PAG1: variants seen among roughly 807,000 people sequenced by gnomAD.
PAG1 encodes phosphoprotein membrane anchor with glycosphingolipid microdomains 1, also known as phosphoprotein associated with glycosphingolipid-enriched microdomains 1.
PAG1 carries 23 observed loss-of-function variants against 31.7 expected under a neutral mutation model. That is an observed-to-expected ratio of 0.73 (90% CI 0.52 to 1.03). PAG1 has a LOEUF of 1.03. Ranked by LOEUF, PAG1 falls within the 50% of genes least tolerant of loss-of-function variation. The probability of loss-of-function intolerance (pLI) is 0.00; values close to 1 mark genes in which losing one functional copy is unlikely to be tolerated. For synonymous variants in PAG1, 214 were observed against 210.3 expected (o/e 1.02, Z -0.15); for missense variants, 473 against 540.7 (o/e 0.87, Z 1.24).
At chr8:80,980,695 T>C (rs183823040) in intron 7 of PAG1, among the ~76,000 whole-genome samples, 1 of 152,344 alleles carries the variant, frequency 6.6e-6, no homozygotes, top group African/African-American at 2.4e-5. Context: ...GTATTATCCT[T>C]AGAGAAATTT....
intron 3 of PAG1, among the ~76,000 whole-genome samples, chr8:80,994,382 G>C (rs574317193): frequency 6.6e-6 from 1 of 152,330 alleles, no homozygotes; most frequent in South Asian, 2.1e-4. Flanking sequence ...AATTGCAAGA[G>C]AAGCATAAGA....
At chr8:81,104,253 AT>A (rs1178116741) in intron 1 of PAG1, among the ~76,000 whole-genome samples, 1 of 152,176 alleles carries the variant, frequency 6.6e-6, no homozygotes, top group African/African-American at 2.4e-5. Context: ...CTCAGTTCCC[AT>A]TCAATCAAGC....
At chr8:81,008,479 A>C (rs897448130) in intron 3 of PAG1, among the ~76,000 whole-genome samples, 2 of 151,052 alleles carry the variant, frequency 1.3e-5, no homozygotes, top group Non-Finnish European at 2.9e-5. Context: ...GTATGACTAC[A>C]GTATAGTTCT....
At chr8:81,050,261 T>C (rs1487976650) in intron 2 of PAG1, among the ~76,000 whole-genome samples, 2 of 152,198 alleles carry the variant, frequency 1.3e-5, no homozygotes, top group African/African-American at 2.4e-5. Context: ...CAATGAAGCA[T>C]TTAATCCTCT....
intron 5 of PAG1, among the ~76,000 whole-genome samples, chr8:80,989,345 C>T (rs1807490429): frequency 6.6e-6 from 1 of 152,160 alleles, no homozygotes; most frequent in African/African-American, 2.4e-5. Context: ...CCCATAACAG[C>T]ATAATCGATC....
chr8:81,081,422 T>C (rs934407733), intron 1 of PAG1, among the ~76,000 whole-genome samples: 6 of 152,214 alleles, frequency 3.9e-5, no homozygotes, highest in African/African-American at 1.4e-4. Context: ...AGGGATCTCA[T>C]GTACCCACTG....
rs1347913362 is a variant in PAG1, at chr8:80,970,690, T to G, written c.*5854A>C. 1 of 152,878 alleles carries G rather than the reference T, an allele frequency of 6.5e-6. No homozygotes were observed. The allele number at this position is 152,878 out of a possible 1,614,324, so 9.5% of individuals were successfully genotyped here. On this transcript the variant is annotated 3_prime_UTR_variant, in exon 9 of 9. Transcript: ENST00000220597. ...AGTGCTTTTCCATGGCCCCTTAGTG[T>G]CAACCATTCTTACGAAAGATGTGAG...
intron 1 of PAG1, among the ~76,000 whole-genome samples, chr8:81,082,376 T>C (rs145159222): frequency 6.6e-6 from 1 of 151,988 alleles, no homozygotes; most frequent in East Asian, 1.9e-4. Flanking sequence ...GTTCTGGGAA[T>C]CAAGACATGA....
intron 1 of PAG1, among the ~76,000 whole-genome samples, chr8:81,081,101 A>C (rs539267855): frequency 5.9e-5 from 9 of 152,262 alleles, no homozygotes; most frequent in Admixed American, 4.6e-4. Flanking sequence ...CTTCTTTACA[A>C]TAATGCTGAC....
At chr8:81,032,480 C>T (rs1011607166) in intron 2 of PAG1, among the ~76,000 whole-genome samples, 31 of 152,270 alleles carry the variant, frequency 2.0e-4, no homozygotes, top group African/African-American at 7.2e-4. Context: ...ACATAAGTAG[C>T]CATCAACAAA....
intron 3 of PAG1, among the ~76,000 whole-genome samples, chr8:81,015,353 A>G (rs902748085): frequency 1.2e-4 from 18 of 152,242 alleles, no homozygotes; most frequent in African/African-American, 3.9e-4. Context: ...GAACTGAAAC[A>G]TTGTACTTGA....
chr8:80,982,644 G>C (rs1807331956), intron 7 of PAG1, among the ~76,000 whole-genome samples: 1 of 152,096 alleles, frequency 6.6e-6, no homozygotes, highest in African/African-American at 2.4e-5. Context: ...AGCTCTACTT[G>C]GAAGTCCAAT....
At chr8:81,018,437 C>T (rs1049650340) in intron 3 of PAG1, among the ~76,000 whole-genome samples, 1 of 152,222 alleles carries the variant, frequency 6.6e-6, no homozygotes, top group Admixed American at 6.5e-5. Flanking sequence ...ACATAAGTGA[C>T]TCACATGGCA....
At chr8:81,093,487 C>T (rs1006996004) in intron 1 of PAG1, among the ~76,000 whole-genome samples, 1 of 152,110 alleles carries the variant, frequency 6.6e-6, no homozygotes. Flanking sequence ...ATCCATCATT[C>T]TTAAAATTGC....
chr8:81,099,611 C>T (rs1809579662), intron 1 of PAG1, among the ~76,000 whole-genome samples: 1 of 152,112 alleles, frequency 6.6e-6, no homozygotes, highest in African/African-American at 2.4e-5. Context: ...ATTAATATCT[C>T]AAATGAAATG....
chr8:80,983,799 T>A (rs1264548457), intron 7 of PAG1, among the ~76,000 whole-genome samples: 1 of 152,208 alleles, frequency 6.6e-6, no homozygotes, highest in African/African-American at 2.4e-5. Context: ...GGGCAAAAAA[T>A]TGGACTGCAT....
chr8:80,987,854 G>T (rs1807458374), intron 5 of PAG1, among the ~76,000 whole-genome samples: 1 of 152,106 alleles, frequency 6.6e-6, no homozygotes, highest in East Asian at 1.9e-4. Context: ...TTTTTGGATT[G>T]TGGTTGACTG....
At chr8:81,030,485 T>C (rs1343468325) in intron 2 of PAG1, among the ~76,000 whole-genome samples, 2 of 152,230 alleles carry the variant, frequency 1.3e-5, no homozygotes, top group Non-Finnish European at 2.9e-5. Context: ...AAACAAGTGA[T>C]TTATTTGAAA....
intron 1 of PAG1, among the ~76,000 whole-genome samples, chr8:81,085,794 A>G (rs6473261): frequency 0.046 from 7,047 of 152,248 alleles, 537 homozygotes; most frequent in African/African-American, 0.16. Context: ...AGTCTTTCAT[A>G]TGCAAAACTG....
Sources: gnomAD v4.1 joint callset for allele counts (sites outside exome capture counted in the v4.1 genomes callset) on GRCh38, gnomAD v4.1.1 for gene constraint, MANE v1.5 for transcripts, NCBI Gene and HGNC (gene_info 2026-07-23, HGNC 2026-07-21) for gene names.